The following PHF14 variants were observed in gnomAD, a reference collection of about 807,000 sequenced individuals.
The protein encoded by PHF14 is PHD finger protein 14.
PHF14 carries 55 observed loss-of-function variants against 117.9 expected under a neutral mutation model. That is an observed-to-expected ratio of 0.47 (90% confidence interval 0.38 to 0.58). PHF14 has a LOEUF of 0.58. Among genes scored for constraint, PHF14 ranks in the 20% least tolerant of loss-of-function variants. The pLI is 0.00. For missense variants in PHF14, 978 were observed against 1,122.2 expected, an observed-to-expected ratio of 0.87 and a Z score of 1.84; for synonymous variants, 409 against 368.6, an observed-to-expected ratio of 1.11 and a Z score of -1.26.
chr7:10,989,742 C>T (rs1310601590), intron 3 of PHF14, among the ~76,000 whole-genome samples: 3 of 152,072 alleles, frequency 2.0e-5, no homozygotes, highest in Non-Finnish European at 4.4e-5. Context: ...GTGATCTTCC[C>T]GCCTTAGCCA....
chr7:11,087,161 G>GT (rs1786443230), intron 16 of PHF14, among the ~76,000 whole-genome samples: 1 of 151,388 alleles, frequency 6.6e-6, no homozygotes, highest in African/African-American at 2.4e-5. Flanking sequence ...GCTTCCTGGA[G>GT]TGATTTTATG....
intron 17 of PHF14, among the ~76,000 whole-genome samples, chr7:11,117,313 C>A (rs988259414): frequency 6.6e-6 from 1 of 151,736 alleles, no homozygotes; most frequent in African/African-American, 2.4e-5. Flanking sequence ...CTATTTGGTT[C>A]AGTCTTATTT....
intron 16 of PHF14, among the ~76,000 whole-genome samples, chr7:11,081,209 C>T (rs1295631333): frequency 2.0e-5 from 3 of 152,040 alleles, no homozygotes; most frequent in African/African-American, 7.3e-5. Context: ...CCCTTTTACC[C>T]TGGTAGTAGA....
At chr7:11,139,575 A>G (rs1019517358) in intron 17 of PHF14, among the ~76,000 whole-genome samples, 42 of 152,292 alleles carry the variant, frequency 2.8e-4, no homozygotes, top group African/African-American at 9.4e-4. Flanking sequence ...TTTGAAATCA[A>G]ATTTAAAGGA....
At chr7:11,027,556 AT>A (rs1464280917) in intron 6 of PHF14, among the ~76,000 whole-genome samples, 1 of 152,138 alleles carries the variant, frequency 6.6e-6, no homozygotes, top group Admixed American at 6.5e-5. Flanking sequence ...GAATAAAAAA[AT>A]AAATAAATCT....
At chr7:10,996,127 G>A (rs1169311439) in intron 4 of PHF14, among the ~76,000 whole-genome samples, 1 of 152,246 alleles carries the variant, frequency 6.6e-6, no homozygotes, top group East Asian at 1.9e-4. Context: ...TGGCTTTTCA[G>A]CAGAGGATTA....
intron 16 of PHF14, among the ~76,000 whole-genome samples, chr7:11,081,854 T>TC (rs1554269398): frequency 6.8e-6 from 1 of 147,100 alleles, no homozygotes; most frequent in Non-Finnish European, 1.5e-5. Context: ...AGACTCCGTC[T>TC]CAAAAAAAAA....
chr7:11,004,123 C>T (rs964215807), intron 4 of PHF14, among the ~76,000 whole-genome samples: 1 of 151,714 alleles, frequency 6.6e-6, no homozygotes, highest in South Asian at 2.1e-4. Flanking sequence ...TGGCTTGCGC[C>T]TGTAGTCCCA....
rs1781895610 is a variant in PHF14, at chr7:10,977,130, T to C, written c.112+2185T>C. On this transcript the variant is annotated intron_variant, in intron 2 of 17. Transcript: ENST00000634607. ...TGTGCCTGAGATAGTATATATTTAG[T>C]TGGAGTCTTGTAGAGAATAAGACAT... Among the ~76,000 whole-genome samples, 4 of 152,138 alleles carry C rather than the reference T, an allele frequency of 2.6e-5. No individual in the cohort carries two copies. The South Asian group carries it at 8.3e-4, about 32-fold the overall frequency.
At chr7:11,128,509 T>A (rs747838972) in intron 17 of PHF14, among the ~76,000 whole-genome samples, 13 of 152,070 alleles carry the variant, frequency 8.5e-5, no homozygotes, top group Non-Finnish European at 5.9e-5. Context: ...TTCTACACAC[T>A]TTTTCCCAGT....
chr7:11,164,897 TA>T (rs1789154982), intron 17 of PHF14, among the ~76,000 whole-genome samples: 1 of 152,196 alleles, frequency 6.6e-6, no homozygotes, highest in Admixed American at 6.5e-5. Flanking sequence ...TGGTCTGTGA[TA>T]GTTCCAAGTC....
chr7:11,122,331 TTATATATATA>T lies in PHF14; in HGVS notation c.2772+10877_2772+10886del, dbSNP rs146463909. Among the ~76,000 whole-genome samples the T allele has an allele frequency of 2.4e-3, 198 of 84,066 alleles. 4 individuals carry two copies. The highest frequency in any genetic ancestry group is 2.9e-3 in the Non-Finnish European group (133 of 45,408). 55.2% of individuals were successfully genotyped at this position (84,066 alleles called of 152,430 possible). On this transcript the variant is annotated intron_variant, in intron 17 of 17. Coordinates refer to ENST00000634607, the MANE Select transcript of PHF14 (RefSeq NM_001007157.2). Reference sequence around the variant, plus strand: ...AAGGGGAGATTACTGTTTGTACTTTTTATATATATATATATATATATACACACACACACAC... The same window carrying T: ...AAGGGGAGATTACTGTTTGTACTTTTTATATATATATACACACACACACAC...
chr7:11,097,771 T>C (rs1298172500), intron 16 of PHF14, among the ~76,000 whole-genome samples: 1 of 152,224 alleles, frequency 6.6e-6, no homozygotes, highest in Non-Finnish European at 1.5e-5. Flanking sequence ...AATATCATTG[T>C]ATTACATAAG....
chr7:11,143,590 A>C (rs1341112286), intron 17 of PHF14, among the ~76,000 whole-genome samples: 1 of 152,188 alleles, frequency 6.6e-6, no homozygotes, highest in Non-Finnish European at 1.5e-5. Context: ...AGATAAAGAA[A>C]ATAAAAGTCA....
At chr7:11,149,594 A>G (rs1172887607) in intron 17 of PHF14, among the ~76,000 whole-genome samples, 2 of 152,194 alleles carry the variant, frequency 1.3e-5, no homozygotes, top group Non-Finnish European at 1.5e-5. Context: ...CTTATTTAAT[A>G]TATCAGTTTT....
intron 10 of PHF14, among the ~76,000 whole-genome samples, chr7:11,037,627 C>G (rs1784356313): frequency 6.6e-6 from 1 of 152,020 alleles, no homozygotes; most frequent in South Asian, 2.1e-4. Context: ...TTTTCATGTA[C>G]CTCTTCATCG....
At chr7:11,071,640 C>T (rs1269403952) in intron 16 of PHF14, among the ~76,000 whole-genome samples, 1 of 152,176 alleles carries the variant, frequency 6.6e-6, no homozygotes, top group Non-Finnish European at 1.5e-5. Flanking sequence ...ATTTCCATCA[C>T]CTCAAAAATT....
chr7:11,153,722 C>G (rs773745425), intron 17 of PHF14, among the ~76,000 whole-genome samples: 1 of 151,886 alleles, frequency 6.6e-6, no homozygotes, highest in Non-Finnish European at 1.5e-5. Flanking sequence ...AACAGAAAAC[C>G]CACCTACTTT....
intron 6 of PHF14, among the ~76,000 whole-genome samples, 164 bp from the exon 7 acceptor site, chr7:11,028,517 A>T (rs1784005207): frequency 6.6e-6 from 1 of 152,172 alleles, no homozygotes; most frequent in Non-Finnish European, 1.5e-5. Context: ...ACGTTTTTTC[A>T]TATAAACTCT....
Sources: allele counts gnomAD v4.1 joint callset (sites outside exome capture counted in the v4.1 genomes callset), GRCh38; gene constraint gnomAD v4.1.1; transcripts MANE v1.5; gene names NCBI Gene and HGNC (gene_info 2026-07-23, HGNC 2026-07-21).